PRCC: variants seen among roughly 807,000 people sequenced by gnomAD.
PRCC encodes proline rich mitotic checkpoint control factor.
PRCC carries 10 observed loss-of-function variants against 44.0 expected under a neutral mutation model. The observed-to-expected ratio is 0.23, with a 90% CI of 0.14 to 0.39. The LOEUF (loss-of-function observed/expected upper bound fraction) is 0.39, where lower values mean the gene tolerates loss of function less well. Among genes scored for constraint, PRCC ranks in the 10% least tolerant of loss-of-function variants. The probability of loss-of-function intolerance (pLI) is 1.00; values close to 1 mark genes in which losing one functional copy is unlikely to be tolerated. For missense variants in PRCC, 573 were observed against 624.7 expected (o/e 0.92, Z 0.88); for synonymous variants, 278 against 259.5 (o/e 1.07, Z -0.69).
intron 1 of PRCC, among the ~76,000 whole-genome samples, chr1:156,774,980 G>A (rs1319856699): frequency 6.6e-6 from 1 of 151,566 alleles, no homozygotes; most frequent in Non-Finnish European, 1.5e-5. Context: ...CGGGTGCAGT[G>A]GCTCATGCCT....
At chr1:156,789,939 G>T (rs999682916) in intron 3 of PRCC, among the ~76,000 whole-genome samples, 1 of 152,340 alleles carries the variant, frequency 6.6e-6, no homozygotes, top group South Asian at 2.1e-4. Context: ...CAGGTTGTAC[G>T]TAGGTTTAAG....
At chr1:156,798,338 G>A (rs867956505) in intron 6 of PRCC, among the ~76,000 whole-genome samples, 6 of 150,714 alleles carry the variant, frequency 4.0e-5, no homozygotes, top group South Asian at 2.1e-4. Flanking sequence ...ACAGAGTCTC[G>A]CTCTGTTGCC....
intron 1 of PRCC, among the ~76,000 whole-genome samples, chr1:156,769,934 C>T (rs938640442): frequency 2.0e-5 from 3 of 152,220 alleles, no homozygotes; most frequent in African/African-American, 4.8e-5. Context: ...TTCTTTCACA[C>T]CTGAGAGTCT....
intron 3 of PRCC, among the ~76,000 whole-genome samples, chr1:156,787,485 A>G (rs1571587990): frequency 1.9e-4 from 2 of 10,562 alleles, no homozygotes; most frequent in East Asian, 3.0e-3. Flanking sequence ...ATATATATAT[A>G]TATATATATA....
intron 2 of PRCC, among the ~76,000 whole-genome samples, chr1:156,782,931 G>A (rs769465223): frequency 1.3e-5 from 2 of 151,882 alleles, no homozygotes; most frequent in Non-Finnish European, 2.9e-5. Context: ...TTGAGATGGA[G>A]TTTCGCTCTT....
intron 1 of PRCC, among the ~76,000 whole-genome samples, 174 bp from the exon 2 acceptor site, chr1:156,782,108 A>G (rs897127527): frequency 1.3e-5 from 2 of 152,194 alleles, no homozygotes; most frequent in African/African-American, 4.8e-5. Flanking sequence ...GCTGTTTGAG[A>G]TCAGGAAGGG....
chr1:156,797,812 T>G (rs530526169), intron 6 of PRCC, among the ~76,000 whole-genome samples: 1 of 152,338 alleles, frequency 6.6e-6, no homozygotes, highest in South Asian at 2.1e-4. Context: ...CAAAAATGTC[T>G]TTTGAAACTG....
At chr1:156,782,475 T>C in intron 2 of PRCC, 146 bp downstream of exon 2, 1 of 709,710 alleles carries the variant, frequency 1.4e-6, no homozygotes, top group Non-Finnish European at 2.3e-6. Context: ...TGTTTTTCTT[T>C]AGAACTTCAG....
chr1:156,796,347 A>T (rs1037193273), intron 5 of PRCC: 1 of 152,262 alleles, frequency 6.6e-6, no homozygotes, highest in African/African-American at 2.4e-5. Context: ...GGAGAAAAAG[A>T]TATGGTCCTT....
chr1:156,774,950 C>CA lies in PRCC; in HGVS notation c.468+6727dup, dbSNP rs35955533. On this transcript the variant is annotated intron_variant, in intron 1 of 6. Coordinates refer to ENST00000271526, the MANE Select transcript of PRCC (RefSeq NM_005973.5). ...TGGGTGACAGAGCAAGACTCTGTCTCAAAAAAAAAAAAAAAAGGCCGGGTG... is the reference window on the plus strand; with the variant it reads ...TGGGTGACAGAGCAAGACTCTGTCTCAAAAAAAAAAAAAAAAAGGCCGGGTG... 2.3e-3 allele frequency among the ~76,000 whole-genome samples: 247 copies of CA among 105,472 alleles called. 6 individuals are homozygous for CA. The highest frequency in any genetic ancestry group is 7.7e-3 in the African/African-American group (186 of 24,084). 69.2% of individuals were successfully genotyped at this position (105,472 alleles called of 152,430 possible).
chr1:156,774,346 T>G lies in PRCC; in HGVS notation c.468+6107T>G, dbSNP rs1321255157. On this transcript the variant is annotated intron_variant, in intron 1 of 6. Transcript: ENST00000271526. ...CCCGCCACTACACCCAGCTAATTTT[T>G]GTATCTTTAGTAGAGACGGGGTTTC... Among the ~76,000 whole-genome samples, 11 of 151,690 alleles carry G rather than the reference T, an allele frequency of 7.3e-5. 1 individual carries two copies. Among genetic ancestry groups the G allele is most frequent in the Admixed American group, 6.6e-4 (10 of 15,250 alleles).
In PRCC at chr1:156,800,572, C is replaced by G. The variant is rs1652802422; in HGVS notation, c.*112C>G. ...AGCCCAGGATCTCTTTCCCCAAGGA[C>G]CCAGCCCTCGCCTCTGCGAGAATGA... On this transcript the variant is annotated 3_prime_UTR_variant, in exon 7 of 7. Transcript: ENST00000271526. The G allele has an allele frequency of 9.2e-7, 1 of 1,082,952 alleles. No homozygotes were observed. The allele number at this position is 1,082,952 out of a possible 1,614,324, so 67.1% of individuals were successfully genotyped here.
At chr1:156,772,960 G>A (rs752289360) in intron 1 of PRCC, among the ~76,000 whole-genome samples, 29 of 152,206 alleles carry the variant, frequency 1.9e-4, no homozygotes, top group Non-Finnish European at 2.8e-4. Context: ...GAGATTTGTT[G>A]TGTTTATCGG....
At chr1:156,798,389 A>G (rs1036314091) in intron 6 of PRCC, among the ~76,000 whole-genome samples, 1 of 152,050 alleles carries the variant, frequency 6.6e-6, no homozygotes, top group Non-Finnish European at 1.5e-5. Flanking sequence ...CTTTTTTCAC[A>G]GTGGTCCTTA....
rs567592814 is a variant in PRCC at position 156,768,749 on chromosome 1, G to C, written c.468+510G>C. 6.6e-5 allele frequency among the ~76,000 whole-genome samples: 10 copies of C among 152,286 alleles called. No homozygotes were observed. In the South Asian group the frequency reaches 2.1e-3, roughly 32 times the overall value. ...GAGTTAGAGGAGAAATCGAATATTT[G>C]TTTAGTGCAGATCATTTGCCGTTCA... On this transcript the variant is annotated intron_variant, in intron 1 of 6. Transcript: ENST00000271526.
rs181421244 is a variant in PRCC at position 156,793,738 on chromosome 1, C to T, written c.1180-927C>T. 1.5e-4 allele frequency among the ~76,000 whole-genome samples: 23 copies of T among 151,958 alleles called. 1 individual carries two copies. The highest frequency in any genetic ancestry group is 3.4e-3 in the Middle Eastern group (1 of 294). On this transcript the variant is annotated intron_variant, in intron 4 of 6. Transcript: ENST00000271526. ...GCTTGGAATTTTATTTTTTTAGAGG[C>T]GAGGTCTTGCTGTGTTTCCCAGGGA... is the stretch of plus-strand genomic sequence containing the variant.
At chr1:156,782,245 AAAC>A (rs1652072933) in intron 1 of PRCC, 34 bp from the exon 2 acceptor site, 7 of 1,553,610 alleles carry the variant, frequency 4.5e-6, no homozygotes, top group Non-Finnish European at 5.3e-6. Flanking sequence ...TACTGTCCTA[AAAC>A]AGTGAGGCCT....
chr1:156,774,092 G>T (rs1484155694), intron 1 of PRCC, among the ~76,000 whole-genome samples: 2 of 151,612 alleles, frequency 1.3e-5, no homozygotes, highest in African/African-American at 4.9e-5. Context: ...CCAGGGGCTG[G>T]GGGGAGGTGG....
Position 156,791,692 on chromosome 1 carries a change from T to C in PRCC, c.1084-5T>C. The C allele has an allele frequency of 6.2e-7, 1 of 1,608,646 alleles. No homozygotes were observed. The highest frequency in any genetic ancestry group is 8.5e-7 in the Non-Finnish European group (1 of 1,177,622). ...GGTGTGTTTTTCTTTCCTGTTTGGC[T>C]GCAGGATTATTACAGTGGTGGCTAC... On this transcript the variant is annotated splice_region_variant and splice_polypyrimidine_tract_variant and intron_variant, in intron 3 of 6. Coordinates refer to ENST00000271526, the MANE Select transcript of PRCC (RefSeq NM_005973.5).
Sources: gnomAD v4.1 joint callset for allele counts (sites outside exome capture counted in the v4.1 genomes callset) on GRCh38, gnomAD v4.1.1 for gene constraint, MANE v1.5 for transcripts, NCBI Gene and HGNC (gene_info 2026-07-23, HGNC 2026-07-21) for gene names.